The following PIF1 variants were observed in gnomAD, a reference collection of about 807,000 sequenced individuals.
PIF1 encodes the protein ATP-dependent DNA helicase PIF1.
Under a neutral mutation model 62.3 loss-of-function variants are expected in PIF1, and 67 were observed. That is an observed-to-expected ratio of 1.08 (90% CI 0.88 to 1.32). The LOEUF is 1.32. Among genes scored for constraint, PIF1 ranks in the 40% most tolerant of loss-of-function variants. The pLI, the probability that PIF1 is intolerant of heterozygous loss-of-function variation, is 0.00. For synonymous variants in PIF1, 364 were observed against 379.5 expected (o/e 0.96, Z 0.47); for missense variants, 886 against 866.1 (o/e 1.02, Z -0.29).
At position 64,815,955 on chromosome 15, in the gene PIF1, G is replaced by A. The variant is rs1252797517; in HGVS notation, c.*343C>T. On this transcript the variant is annotated 3_prime_UTR_variant, in exon 13 of 13. Transcript: ENST00000559239. ...TGCCTCTCCCTTCTGCAGCCTGAAA[G>A]GAGGGATGTTCAGGACTCTGCAGCT... 1.9e-6 allele frequency: 3 copies of A among 1,548,128 alleles called. No individual in the cohort carries two copies. The highest frequency in any genetic ancestry group is 2.6e-6 in the Non-Finnish European group (3 of 1,145,638).
intron 11 of PIF1, among the ~76,000 whole-genome samples, chr15:64,817,370 C>G (rs970919019): frequency 2.0e-5 from 3 of 151,958 alleles, no homozygotes; most frequent in Non-Finnish European, 4.4e-5. Context: ...CATGGCAAAA[C>G]CCCATCTCTA....
rs1332327423 is a variant in PIF1, at chr15:64,819,217, A to G, written c.1340T>C (p.Val447Ala). The G allele has an allele frequency of 5.0e-6, 8 of 1,599,660 alleles. No individual in the cohort carries two copies. Among genetic ancestry groups the G allele is most frequent in the Non-Finnish European group, 6.0e-6 (7 of 1,174,928 alleles). ...ERRLQELPGK[V>A]HRFEAMDSNP... ...GCTGTCCATAGCCTCAAATCTGTGT[A>G]CCTTACCTGGAGAAAAAGAGTTGAG... The change falls in exon 9 of 13, where the codon GTA becomes GCA. Residue 447 changes from valine to alanine, a missense_variant. Val to Ala is a moderately conservative substitution (Grantham distance 64). Coordinates refer to ENST00000559239, the MANE Select transcript of PIF1 (RefSeq NM_001286496.2).
upstream of PIF1, among the ~76,000 whole-genome samples, chr15:64,826,667 C>CAT (rs1315075229): frequency 0.038 from 2,528 of 66,402 alleles, 163 homozygotes; most frequent in African/African-American, 0.099. Context: ...TATATATATA[C>CAT]ACACACACAC....
chr15:64,822,813 T>A (rs952805433), intron 2 of PIF1, among the ~76,000 whole-genome samples: 4 of 152,080 alleles, frequency 2.6e-5, no homozygotes, highest in Non-Finnish European at 1.5e-5. Context: ...ACCCCCATTG[T>A]CCAGTCCTGG....
chr15:64,816,870 C>T, intron 11 of PIF1, 105 bp from the exon 12 acceptor site: 1 of 1,094,510 alleles, frequency 9.1e-7, no homozygotes, highest in South Asian at 1.7e-5. Flanking sequence ...ATCTCCTCGT[C>T]CAGTCCAGAG....
intron 4 of PIF1, 105 bp from the exon 5 acceptor site, chr15:64,821,625 G>A: frequency 7.4e-7 from 1 of 1,345,626 alleles, no homozygotes; most frequent in South Asian, 1.5e-5. Flanking sequence ...AGGCTGAAGT[G>A]CAGTGGCACG....
At chr15:64,818,163 G>A in intron 10 of PIF1, 72 bp from the exon 11 acceptor site, 1 of 1,610,510 alleles carries the variant, frequency 6.2e-7, no homozygotes, top group Non-Finnish European at 8.5e-7. Flanking sequence ...GGGGCCTTTG[G>A]AGCTTTCCTT....
intron 7 of PIF1, among the ~76,000 whole-genome samples, chr15:64,820,420 C>T (rs187638770): frequency 2.0e-5 from 3 of 152,328 alleles, no homozygotes; most frequent in African/African-American, 7.2e-5. Context: ...TTTTTTGAGA[C>T]GGAGTCTCGC....
intron 2 of PIF1, 122 bp from the exon 3 acceptor site, chr15:64,822,732 G>A: frequency 7.1e-7 from 1 of 1,416,612 alleles, no homozygotes. Context: ...TTCATTCCAT[G>A]GAGCTCTTGG....
intron 11 of PIF1, among the ~76,000 whole-genome samples, chr15:64,817,348 C>T (rs567814479): frequency 6.6e-6 from 1 of 152,150 alleles, no homozygotes; most frequent in East Asian, 1.9e-4. Flanking sequence ...AGTTCGAGAC[C>T]AGCCTGGCCA....
intron 12 of PIF1, 78 bp downstream of exon 12, chr15:64,816,496 C>T (rs1259413627): frequency 4.4e-6 from 7 of 1,594,434 alleles, no homozygotes; most frequent in East Asian, 2.2e-5. Flanking sequence ...CCCCAGGTCC[C>T]ACTGGGCCGG....
Position 64,819,124 on chromosome 15 carries a change from C to G in PIF1, c.1433G>C (p.Gly478Ala), listed in dbSNP as rs140972674. Residue 478 changes from glycine (G) to alanine (A), a missense_variant, in exon 9 of 13, where the codon GGG becomes GCG. Coordinates refer to ENST00000559239, the MANE Select transcript of PIF1 (RefSeq NM_001286496.2). ...PVSQLLQLKL[G>A]AQVMLVKNLS... The stretch of plus-strand genomic sequence containing the variant: ...GCCCTGCTTCCCACTCACCTGGGCC[C>G]CCAGCTTTAGTTGAAGGAGCTGGCT... 1,146 of 1,588,242 alleles carry G rather than the reference C, an allele frequency of 7.2e-4. 4 individuals are homozygous for G. In the African/African-American group the frequency reaches 0.015, roughly 21 times the overall value.
intron 7 of PIF1, among the ~76,000 whole-genome samples, chr15:64,820,281 GT>G: frequency 6.6e-6 from 1 of 152,244 alleles, no homozygotes; most frequent in Non-Finnish European, 1.5e-5. Context: ...TCCTGAGGAA[GT>G]TGGCTATGAT....
Position 64,822,408 on chromosome 15 carries a change from T to C in PIF1, c.692-17A>G. On this transcript the variant is annotated splice_polypyrimidine_tract_variant and intron_variant, in intron 3 of 12. Coordinates refer to ENST00000559239, the MANE Select transcript of PIF1 (RefSeq NM_001286496.2). ...TCCCTGTTCCTGGACAGGGGCAAAG[T>C]TAGACAGGTCTCCCTGTTCCTCTAT... The C allele has an allele frequency of 1.2e-6, 2 of 1,614,100 alleles. No individual in the cohort carries two copies. The highest frequency in any genetic ancestry group is 1.7e-6 in the Non-Finnish European group (2 of 1,180,008).
At chr15:64,822,964 AC>A (rs2084311974) in intron 2 of PIF1, among the ~76,000 whole-genome samples, 1 of 151,374 alleles carries the variant, frequency 6.6e-6, no homozygotes, top group Non-Finnish European at 1.5e-5. Context: ...ACCTCAAAAT[AC>A]CCAAGCAAAA....
chr15:64,821,338 C>G (rs760116576), intron 5 of PIF1, 29 bp downstream of exon 5: 1 of 1,613,960 alleles, frequency 6.2e-7, no homozygotes, highest in Non-Finnish European at 8.5e-7. Context: ...GGTCCCAGTT[C>G]TCACCTGCTG....
chr15:64,823,763 C>T lies in PIF1; in HGVS notation c.558+15G>A. Reference sequence around the variant, plus strand: ...ACATCTACTCCTAAAGGTGTCCCTTCTTTCCCGTCCTCACTGTGCTAGGCT... The same window carrying T: ...ACATCTACTCCTAAAGGTGTCCCTTTTTTCCCGTCCTCACTGTGCTAGGCT... On this transcript the variant is annotated intron_variant, in intron 2 of 12. Transcript: ENST00000559239. The T allele has an allele frequency of 7.6e-7, 1 of 1,313,408 alleles. No individual in the cohort carries two copies. Among genetic ancestry groups the T allele is most frequent in the Non-Finnish European group, 9.8e-7 (1 of 1,021,854 alleles). The allele number at this position is 1,313,408 out of a possible 1,614,324, so 81.4% of individuals were successfully genotyped here.
At chr15:64,823,095 T>G (rs1416154085) in intron 2 of PIF1, among the ~76,000 whole-genome samples, 1 of 150,888 alleles carries the variant, frequency 6.6e-6, no homozygotes, top group African/African-American at 2.5e-5. Flanking sequence ...CCCACCAGAC[T>G]TTTTTCCCCT....
intron 7 of PIF1, 80 bp downstream of exon 7, chr15:64,820,902 G>A: frequency 7.8e-7 from 1 of 1,280,654 alleles, no homozygotes; most frequent in Non-Finnish European, 1.1e-6. Flanking sequence ...TACCCCTTCT[G>A]TGAGTCCCTC....
Sources: allele counts gnomAD v4.1 joint callset (sites outside exome capture counted in the v4.1 genomes callset), GRCh38; gene constraint gnomAD v4.1.1; transcripts MANE v1.5; gene names NCBI Gene and HGNC (gene_info 2026-07-23, HGNC 2026-07-21).